CTNNA3: variants seen among roughly 807,000 people sequenced by gnomAD.
CTNNA3 encodes the protein catenin alpha-3.
A neutral mutation model predicts 95.7 loss-of-function variants in CTNNA3; 76 were observed. The observed-to-expected ratio is 0.79, with a 90% CI of 0.66 to 0.96. The LOEUF (loss-of-function observed/expected upper bound fraction) is 0.96, where lower values mean the gene tolerates loss of function less well. Ranked by LOEUF, CTNNA3 falls within the 40% of genes least tolerant of loss-of-function variation. The pLI is 0.00. For missense variants in CTNNA3, 1,191 were observed against 1,089.8 expected, an observed-to-expected ratio of 1.09 and a Z score of -1.31; for synonymous variants, 431 against 374.4, an observed-to-expected ratio of 1.15 and a Z score of -1.74.
chr10:67,087,746 C>T (rs1387364429), intron 7 of CTNNA3, among the ~76,000 whole-genome samples: 5 of 151,932 alleles, frequency 3.3e-5, no homozygotes, highest in Non-Finnish European at 7.4e-5. Context: ...AATAGATTAT[C>T]TCAGTCATAT....
intron 15 of CTNNA3, among the ~76,000 whole-genome samples, chr10:66,045,292 T>C (rs12778483): frequency 0.11 from 16,293 of 152,250 alleles, 1,031 homozygotes; most frequent in Non-Finnish European, 0.15. Flanking sequence ...TTGCTTCCAA[T>C]AGACACTCCT....
At chr10:67,167,416 T>G (rs1280847240) in intron 7 of CTNNA3, among the ~76,000 whole-genome samples, 1 of 152,178 alleles carries the variant, frequency 6.6e-6, no homozygotes, top group Non-Finnish European at 1.5e-5. Context: ...GGGAAATGTC[T>G]CAAAGTTGAG....
intron 7 of CTNNA3, among the ~76,000 whole-genome samples, chr10:66,816,133 T>G (rs1002011633): frequency 7.9e-5 from 12 of 152,182 alleles, no homozygotes; most frequent in African/African-American, 2.9e-4. Flanking sequence ...TGAATTAAAT[T>G]TCCATAATTT....
intron 1 of CTNNA3, among the ~76,000 whole-genome samples, chr10:67,676,930 AG>A (rs572196838): frequency 1.1e-4 from 16 of 152,236 alleles, no homozygotes; most frequent in Non-Finnish European, 1.8e-4. Context: ...TTCTAGTTTA[AG>A]GGTCTTTGGT....
At chr10:66,859,392 G>T (rs1843814324) in intron 7 of CTNNA3, among the ~76,000 whole-genome samples, 1 of 151,496 alleles carries the variant, frequency 6.6e-6, no homozygotes, top group South Asian at 2.1e-4. Context: ...AGACATTTAT[G>T]CAGCCAAAAA....
At chr10:66,767,012 C>A (rs1181024839) in intron 8 of CTNNA3, among the ~76,000 whole-genome samples, 1 of 151,930 alleles carries the variant, frequency 6.6e-6, no homozygotes, top group Non-Finnish European at 1.5e-5. Flanking sequence ...CATTCTGCTA[C>A]AATTAGTTCT....
intron 13 of CTNNA3, among the ~76,000 whole-genome samples, chr10:66,123,367 G>A (rs921342925): frequency 6.6e-6 from 1 of 152,180 alleles, no homozygotes; most frequent in African/African-American, 2.4e-5. Context: ...GATGCAAGAG[G>A]TGGGTTCCCA....
intron 16 of CTNNA3, among the ~76,000 whole-genome samples, chr10:65,986,553 A>G (rs963954903): frequency 6.6e-6 from 1 of 151,646 alleles, no homozygotes. Flanking sequence ...ATATTGATAA[A>G]AGAAATTGAA....
At chr10:66,003,921 A>G (rs937256764) in intron 15 of CTNNA3, among the ~76,000 whole-genome samples, 8 of 152,228 alleles carry the variant, frequency 5.3e-5, no homozygotes, top group Non-Finnish European at 7.3e-5. Context: ...GGACATGCCC[A>G]TAATTGCGCA....
intron 12 of CTNNA3, among the ~76,000 whole-genome samples, chr10:66,369,549 G>A (rs6480161): frequency 0.79 from 120,103 of 152,128 alleles, 47,514 homozygotes; most frequent in Admixed American, 0.85. Flanking sequence ...GTACATGTGC[G>A]CAACGTGCAG....
intron 10 of CTNNA3, among the ~76,000 whole-genome samples, chr10:66,587,396 C>T (rs148096233): frequency 1.3e-5 from 2 of 152,200 alleles, no homozygotes; most frequent in African/African-American, 2.4e-5. Context: ...CTTTATGTCA[C>T]TCAGGGGAGG....
In CTNNA3 at chr10:66,419,793, G is replaced by A. The variant is rs530485718; in HGVS notation, c.1532-40441C>T. Among the ~76,000 whole-genome samples, 17 of 152,172 alleles carry A rather than the reference G, an allele frequency of 1.1e-4. No homozygotes were observed. In the South Asian group the frequency reaches 3.5e-3, roughly 32 times the overall value. On this transcript the variant is annotated intron_variant, in intron 11 of 17. Transcript: ENST00000433211. ...CCAAGAACATGCACTGGAAAACTGA[G>A]GTTTTCTTCAATAAATAGTGCTGGG...
At chr10:67,001,250 G>A (rs1484491316) in intron 7 of CTNNA3, among the ~76,000 whole-genome samples, 16 of 148,486 alleles carry the variant, frequency 1.1e-4, no homozygotes, top group South Asian at 2.1e-4. Context: ...GCAGTGAGCC[G>A]AGATGGAGCC....
intron 7 of CTNNA3, among the ~76,000 whole-genome samples, chr10:67,051,398 A>G (rs929744594): frequency 6.6e-6 from 1 of 152,202 alleles, no homozygotes; most frequent in Non-Finnish European, 1.5e-5. Context: ...TGGACATTTT[A>G]ACAGCTAATA....
intron 3 of CTNNA3, among the ~76,000 whole-genome samples, chr10:67,571,649 T>C (rs1359566323): frequency 6.6e-6 from 1 of 152,094 alleles, no homozygotes; most frequent in Non-Finnish European, 1.5e-5. Context: ...GAACCTAAGA[T>C]GGAGGTTCTT....
At chr10:66,417,686 A>T (rs1324769787) in intron 11 of CTNNA3, among the ~76,000 whole-genome samples, 3 of 152,024 alleles carry the variant, frequency 2.0e-5, no homozygotes, top group Non-Finnish European at 1.5e-5. Flanking sequence ...ACCTTCTCAG[A>T]TCACAGTGGA....
intron 7 of CTNNA3, among the ~76,000 whole-genome samples, chr10:66,872,818 G>T (rs913668439): frequency 2.6e-5 from 4 of 152,078 alleles, no homozygotes; most frequent in Non-Finnish European, 5.9e-5. Flanking sequence ...AGTCCCCATA[G>T]GTAGTTTTTC....
At chr10:66,526,669 T>C (rs1267115457) in intron 10 of CTNNA3, among the ~76,000 whole-genome samples, 2 of 152,184 alleles carry the variant, frequency 1.3e-5, no homozygotes, top group South Asian at 2.1e-4. Flanking sequence ...TGGCATCTCA[T>C]TGAGGTTATG....
intron 1 of CTNNA3, among the ~76,000 whole-genome samples, chr10:67,714,499 C>G (rs528412395): frequency 6.6e-6 from 1 of 152,198 alleles, no homozygotes; most frequent in Non-Finnish European, 1.5e-5. Context: ...AATGCCTGTA[C>G]GCCCATTGTA....
Sources: allele counts gnomAD v4.1 joint callset (sites outside exome capture counted in the v4.1 genomes callset), GRCh38; gene constraint gnomAD v4.1.1; transcripts MANE v1.5; gene names NCBI Gene and HGNC (gene_info 2026-07-23, HGNC 2026-07-21).